The following SLC18A2 variants were observed in gnomAD, a reference collection of about 807,000 sequenced individuals.
SLC18A2 encodes the protein solute carrier family 18 member A2.
SLC18A2 carries 33 observed loss-of-function variants against 59.2 expected under a neutral mutation model. The ratio of observed to expected loss-of-function variants is 0.56; its 90% CI spans 0.42 to 0.75. The LOEUF (loss-of-function observed/expected upper bound fraction) is 0.75. SLC18A2 is among the 30% of genes least tolerant of loss of function. SLC18A2 has a pLI of 0.00. For synonymous variants in SLC18A2, 228 were observed against 253.5 expected (o/e 0.90, Z 0.95); for missense variants, 569 against 668.6 (o/e 0.85, Z 1.64).
At chr10:117,247,371 C>T (rs1844119905) in intron 3 of SLC18A2, among the ~76,000 whole-genome samples, 1 of 152,230 alleles carries the variant, frequency 6.6e-6, no homozygotes, top group South Asian at 2.1e-4. Flanking sequence ...ATTTTATAGG[C>T]AAAGGAGTTT....
At chr10:117,276,524 G>A (rs969987791) in intron 15 of SLC18A2, among the ~76,000 whole-genome samples, 1 of 146,998 alleles carries the variant, frequency 6.8e-6, no homozygotes, top group Admixed American at 7.0e-5. Context: ...TGAGGTGGGA[G>A]GGTTGCTTGA....
chr10:117,244,104 G>A lies in SLC18A2; in HGVS notation c.255G>A (p.Ser85=), dbSNP rs363388. Residue 85 remains serine (S), a synonymous_variant, in exon 3 of 16, where the codon TCG becomes TCA. Transcript: ENST00000644641. ...GCATCTTCTCCTATTATGATAACTC[G>A]ACTATGGTCACCGGGAATGCTACCA... is the stretch of plus-strand genomic sequence containing the variant. ...FQSIFSYYDN[S]TMVTGNATRD... is the part of the protein sequence containing the mutation. 1.8e-4 allele frequency: 290 copies of A among 1,614,140 alleles called. 1 individual carries two copies. In the African/African-American group the frequency reaches 2.7e-3, roughly 15 times the overall value.
At position 117,269,060 on chromosome 10, in the gene SLC18A2, AACACAT is replaced by A. The variant is rs923212767; in HGVS notation, c.1187-999_1187-994del. Among the ~76,000 whole-genome samples the A allele has an allele frequency of 7.9e-5, 12 of 151,926 alleles. No homozygotes were observed. The highest frequency in any genetic ancestry group is 1.9e-4 in the African/African-American group (8 of 41,346). ...CATACACACATACACCCCCCACATA[AACACAT>A]ACACATACACAAATATACATACACA... On this transcript the variant is annotated intron_variant, in intron 13 of 15. Transcript: ENST00000644641. The surrounding 1 kb of genome is among the most constrained non-coding windows in gnomAD (Gnocchi z 5.1).
chr10:117,267,243 A>G (rs1040388585), intron 12 of SLC18A2: 9 of 558,994 alleles, frequency 1.6e-5, no homozygotes, highest in Middle Eastern at 4.7e-4. Flanking sequence ...AATTATTTAA[A>G]ATGTTTTATT....
At chr10:117,257,924 G>C in intron 10 of SLC18A2, 32 bp downstream of exon 10, 2 of 1,504,268 alleles carry the variant, frequency 1.3e-6, no homozygotes, top group South Asian at 1.2e-5. Context: ...TCTGATTCAA[G>C]AGCATTTGTC....
At chr10:117,243,770 G>C (rs1844079295) in intron 2 of SLC18A2, among the ~76,000 whole-genome samples, 2 of 152,082 alleles carry the variant, frequency 1.3e-5, no homozygotes, top group African/African-American at 4.8e-5. Context: ...ATTTTTAGTA[G>C]AGAGAGGGTT....
rs772870790 is a variant in SLC18A2, at chr10:117,255,648, A to G, written c.886A>G (p.Ile296Val). The change falls in exon 9 of 16, where the codon ATT becomes GTT. Residue 296 changes from isoleucine (I) to valine (V), a missense_variant. This residue lies in a region of SLC18A2 where 377 missense variants were observed against 389.8 expected (regional missense o/e 0.97). Transcript: ENST00000644641. ...TTLLKDPYIL[I>V]AAGSICFANM... is the part of the protein sequence containing the mutation. ...GCTGCTGAAGGACCCGTACATCCTC[A>G]TTGCTGCAGGTGGGGCTCTGTGGGT... 42 of 1,613,144 alleles carry G rather than the reference A, an allele frequency of 2.6e-5. No individual in the cohort carries two copies. The highest frequency in any genetic ancestry group is 3.5e-5 in the Non-Finnish European group (41 of 1,179,914).
Position 117,246,684 on chromosome 10 carries a change from G to A in SLC18A2, c.464+2371G>A, listed in dbSNP as rs58383090. Reference sequence around the variant, plus strand: ...TTCTTTTTTTTTGAGATAGAGTCTTGCTCTGTCACCCAGGCTGGAGTGCAG... The same window carrying A: ...TTCTTTTTTTTTGAGATAGAGTCTTACTCTGTCACCCAGGCTGGAGTGCAG... On this transcript the variant is annotated intron_variant, in intron 3 of 15. Coordinates refer to ENST00000644641, the MANE Select transcript of SLC18A2 (RefSeq NM_003054.6). 8.1e-3 allele frequency among the ~76,000 whole-genome samples: 1,227 copies of A among 151,688 alleles called. 13 individuals are homozygous for A. The highest frequency in any genetic ancestry group is 0.028 in the African/African-American group (1,148 of 41,314).
At position 117,269,157 on chromosome 10, in the gene SLC18A2, A is replaced by C. The variant is rs1486633170; in HGVS notation, c.1187-914A>C. On this transcript the variant is annotated intron_variant, in intron 13 of 15. Transcript: ENST00000644641. The surrounding 1 kb of genome is among the most constrained non-coding windows in gnomAD (Gnocchi z 5.1). ...CAAACACCCACCCACATACATATGC[A>C]CACATACACACATACATATACACAC... Among the ~76,000 whole-genome samples the C allele has an allele frequency of 1.9e-5, 1 of 51,504 alleles. No individual in the cohort carries two copies. Among genetic ancestry groups the C allele is most frequent in the Non-Finnish European group, 6.3e-5 (1 of 15,950 alleles). 33.8% of individuals were successfully genotyped at this position (51,504 alleles called of 152,430 possible). A position where few individuals can be genotyped will look rare whatever the true frequency, so the allele number is the denominator to read the frequency against.
chr10:117,250,085 A>G (rs1434258675), intron 3 of SLC18A2, among the ~76,000 whole-genome samples: 1 of 152,196 alleles, frequency 6.6e-6, no homozygotes, highest in Non-Finnish European at 1.5e-5. Flanking sequence ...CTCAATGACT[A>G]GGGACGCTGG....
chr10:117,267,089 G>C (rs555504297), intron 12 of SLC18A2, 54 bp downstream of exon 12: 1 of 1,381,712 alleles, frequency 7.2e-7, no homozygotes, highest in African/African-American at 1.4e-5. Flanking sequence ...TAAAACTTGC[G>C]CTTTGGGCAA....
In SLC18A2 at chr10:117,269,162, T is replaced by C. The variant is rs1166750839; in HGVS notation, c.1187-909T>C. 6.6e-6 allele frequency among the ~76,000 whole-genome samples: 1 copy of C among 150,824 alleles called. No homozygotes were observed. Among genetic ancestry groups the C allele is most frequent in the Non-Finnish European group, 1.5e-5 (1 of 67,712 alleles). On this transcript the variant is annotated intron_variant, in intron 13 of 15. Transcript: ENST00000644641. The surrounding 1 kb of genome is among the most constrained non-coding windows in gnomAD (Gnocchi z 5.1). ...ACCCACCCACATACATATGCACACATACACACATACATATACACACATACA... is the reference window on the plus strand; with the variant it reads ...ACCCACCCACATACATATGCACACACACACACATACATATACACACATACA...
intron 15 of SLC18A2, 23 bp from the exon 16 acceptor site, chr10:117,277,139 A>G (rs371497885): frequency 1.6e-6 from 2 of 1,270,432 alleles, no homozygotes; most frequent in Non-Finnish European, 2.3e-6. Context: ...AAGTTAATAT[A>G]CTTGCACTTT....
chr10:117,266,703 T>A, intron 10 of SLC18A2, 30 bp from the exon 11 acceptor site: 1 of 1,527,438 alleles, frequency 6.5e-7, no homozygotes, highest in Non-Finnish European at 9.1e-7. Flanking sequence ...ATATCAGCAC[T>A]GATAAGGTCT....
intron 10 of SLC18A2, among the ~76,000 whole-genome samples, chr10:117,258,513 T>C (rs767085033): frequency 9.2e-5 from 14 of 152,252 alleles, no homozygotes; most frequent in Non-Finnish European, 1.0e-4. Context: ...TCATGCAATT[T>C]TGTGGCCATG....
At chr10:117,275,053 A>G (rs1844469767) in intron 15 of SLC18A2, among the ~76,000 whole-genome samples, 1 of 152,182 alleles carries the variant, frequency 6.6e-6, no homozygotes, top group Non-Finnish European at 1.5e-5. Context: ...TTTCCTTGCG[A>G]ATCATTAATC....
rs869062987 is a variant in SLC18A2 at position 117,261,220 on chromosome 10, CAAAAA to C, written c.991+3330_991+3334del. The stretch of plus-strand genomic sequence containing the variant: ...AAAAACAAAACAAAACAAAACAAAA[CAAAAA>C]ACCCAAAAACAGCAACAAAAAAATT... On this transcript the variant is annotated intron_variant, in intron 10 of 15. Transcript: ENST00000644641. Among the ~76,000 whole-genome samples, 419 of 152,030 alleles carry C rather than the reference CAAAAA, an allele frequency of 2.8e-3. 3 individuals carry two copies. The highest frequency in any genetic ancestry group is 9.2e-3 in the African/African-American group (381 of 41,458).
At chr10:117,257,645 C>T (rs894965396) in intron 9 of SLC18A2, 152 bp from the exon 10 acceptor site, 2 of 433,880 alleles carry the variant, frequency 4.6e-6, no homozygotes, top group Non-Finnish European at 8.2e-6. Flanking sequence ...TTATGATAAA[C>T]AGCCTTTGCT....
At chr10:117,260,261 T>C (rs1370900429) in intron 10 of SLC18A2, among the ~76,000 whole-genome samples, 1 of 152,214 alleles carries the variant, frequency 6.6e-6, no homozygotes, top group African/African-American at 2.4e-5. Context: ...CCCACTGCTC[T>C]TAACACAGCC....
Sources: allele counts gnomAD v4.1 joint callset (sites outside exome capture counted in the v4.1 genomes callset), GRCh38; gene constraint gnomAD v4.1.1; regional missense constraint gnomAD v4.1.1; non-coding constraint Gnocchi (gnomAD v3.1); transcripts MANE v1.5; gene names NCBI Gene and HGNC (gene_info 2026-07-23, HGNC 2026-07-21).